Variants in PCDHGB3 observed in about 807,000 individuals in gnomAD.
PCDHGB3 encodes protocadherin gamma-B3.
A neutral mutation model predicts 59.2 loss-of-function variants in PCDHGB3; 40 were observed. The observed-to-expected ratio is 0.68, with a 90% CI of 0.52 to 0.88. The LOEUF is 0.88. Among genes scored for constraint, PCDHGB3 ranks in the 40% least tolerant of loss-of-function variants. The probability of loss-of-function intolerance (pLI) is 0.00; values close to 1 mark genes in which losing one functional copy is unlikely to be tolerated. For missense variants in PCDHGB3, 1,309 were observed against 1,187.9 expected (o/e 1.10, Z -1.50); for synonymous variants, 581 against 503.6 (o/e 1.15, Z -2.06).
At chr5:141,420,027 C>T in intron 1 of PCDHGB3, 3 of 1,614,082 alleles carry the variant, frequency 1.9e-6, no homozygotes, top group Non-Finnish European at 2.5e-6. Flanking sequence ...AGCCCTACTG[C>T]AGGAGACTGC....
At chr5:141,422,328 T>C (rs1561800810) in intron 1 of PCDHGB3, 4 of 1,548,502 alleles carry the variant, frequency 2.6e-6, no homozygotes, top group Non-Finnish European at 2.6e-6. Flanking sequence ...GTACAGTGAT[T>C]GCTCTTCTAA....
intron 2 of PCDHGB3, among the ~76,000 whole-genome samples, chr5:141,495,223 G>T (rs924599140): frequency 6.6e-6 from 1 of 152,208 alleles, no homozygotes; most frequent in South Asian, 2.1e-4. Flanking sequence ...CCTGAGTTGA[G>T]CTGGGCTCCA....
rs201412037 is a variant in PCDHGB3, at chr5:141,421,093, A to G, written c.2415+48284A>G. The G allele has an allele frequency of 3.5e-5, 23 of 665,630 alleles. No homozygotes were observed. In the East Asian group the frequency reaches 6.2e-4, roughly 18 times the overall value. 41.2% of individuals were successfully genotyped at this position (665,630 alleles called of 1,614,324 possible). On this transcript the variant is annotated intron_variant, in intron 1 of 3. Coordinates refer to ENST00000576222, the MANE Select transcript of PCDHGB3 (RefSeq NM_018924.5). ...GAGATGGATACTCACAGATCCTGAC[A>G]CTGGAGACTTAGAAGTATTTTCCTT... is the stretch of plus-strand genomic sequence containing the variant.
intron 1 of PCDHGB3, chr5:141,413,478 T>C (rs755324008): frequency 6.2e-7 from 1 of 1,614,074 alleles, no homozygotes; most frequent in East Asian, 2.2e-5. Flanking sequence ...AGCTCTGCGC[T>C]CAGAGCGCGC....
chr5:141,388,864 C>T (rs748559328), intron 1 of PCDHGB3: 15 of 1,613,736 alleles, frequency 9.3e-6, no homozygotes, highest in Middle Eastern at 1.6e-4. Flanking sequence ...GGAATGATTG[C>T]GCAATGCACA....
intron 2 of PCDHGB3, among the ~76,000 whole-genome samples, chr5:141,498,889 C>T (rs1415870992): frequency 3.4e-5 from 5 of 146,174 alleles, no homozygotes; most frequent in African/African-American, 1.3e-4. Flanking sequence ...GCTGAGATCA[C>T]ACCACTGCAC....
chr5:141,478,210 A>G, intron 1 of PCDHGB3: 1 of 1,614,064 alleles, frequency 6.2e-7, no homozygotes, highest in East Asian at 2.2e-5. Flanking sequence ...TTCTTTCTCT[A>G]ATCCTGGTTT....
rs773484841 is a variant in PCDHGB3 at position 141,432,092 on chromosome 5, A to G, written c.2415+59283A>G. 4.3e-6 allele frequency: 7 copies of G among 1,614,104 alleles called. No individual in the cohort carries two copies. The East Asian group carries it at 1.6e-4, about 36-fold the overall frequency. On this transcript the variant is annotated intron_variant, in intron 1 of 3. Transcript: ENST00000576222. The surrounding 1 kb of genome is among the most constrained non-coding windows in gnomAD (Gnocchi z 6.0). Reference sequence around the variant, plus strand: ...TCATATCTCGCTGAACGTGGCAGACACCAACGACAACCCGCCGGTCTTCCC... The same window carrying G: ...TCATATCTCGCTGAACGTGGCAGACGCCAACGACAACCCGCCGGTCTTCCC...
intron 1 of PCDHGB3, chr5:141,409,926 T>G: frequency 6.2e-7 from 1 of 1,613,344 alleles, no homozygotes; most frequent in Non-Finnish European, 8.5e-7. Flanking sequence ...TCCGCGTTCT[T>G]CGATATGGTA....
chr5:141,395,521 T>G, intron 1 of PCDHGB3: 7 of 388,350 alleles, frequency 1.8e-5, no homozygotes, highest in East Asian at 5.0e-5. Flanking sequence ...TACCCGTCCA[T>G]ACTGGTAATT....
intron 1 of PCDHGB3, chr5:141,398,604 T>A: frequency 6.2e-7 from 1 of 1,614,048 alleles, no homozygotes; most frequent in Non-Finnish European, 8.5e-7. Flanking sequence ...TAGCAGAAGA[T>A]GCAGATATTG....
chr5:141,423,082 G>T (rs1390567548), intron 1 of PCDHGB3: 3 of 1,614,078 alleles, frequency 1.9e-6, no homozygotes, highest in Non-Finnish European at 2.5e-6. Context: ...GGGACTCTTC[G>T]CGGTGGGGGA....
At chr5:141,460,909 G>A (rs1473458228) in intron 1 of PCDHGB3, among the ~76,000 whole-genome samples, 4 of 123,246 alleles carry the variant, frequency 3.2e-5, no homozygotes, top group Non-Finnish European at 6.6e-5. Context: ...AATATTCCAT[G>A]GTGTATATAT....
Position 141,477,114 on chromosome 5 carries a change from G to C in PCDHGB3, c.2416-17693G>C. ...AAAGACAAGGGCGCCAATCCCGAAG[G>C]AGCACATTGCAAAGTGTTGGTGGAG... is the stretch of plus-strand genomic sequence containing the variant. On this transcript the variant is annotated intron_variant, in intron 1 of 3. Coordinates refer to ENST00000576222, the MANE Select transcript of PCDHGB3 (RefSeq NM_018924.5). This position sits in a 1 kb window ranked among gnomAD's most constrained non-coding sequence, Gnocchi z 4.9. 4.3e-6 allele frequency: 7 copies of C among 1,614,234 alleles called. No homozygotes were observed. Among genetic ancestry groups the C allele is most frequent in the Non-Finnish European group, 5.9e-6 (7 of 1,180,046 alleles).
At chr5:141,423,210 C>T in intron 1 of PCDHGB3, 2 of 1,613,696 alleles carry the variant, frequency 1.2e-6, no homozygotes, top group Non-Finnish European at 1.7e-6. Flanking sequence ...CCGTCACGCT[C>T]ACCGTGGCTG....
chr5:141,490,042 G>A lies in PCDHGB3; in HGVS notation c.2416-4765G>A. On this transcript the variant is annotated intron_variant, in intron 1 of 3. Transcript: ENST00000576222. This position sits in a 1 kb window ranked among gnomAD's most constrained non-coding sequence, Gnocchi z 5.4. ...TCTGCTGCTCCGCCTCAATGCCACT[G>A]ATCCAGACGAGGGCACCAACGGCCA... The A allele has an allele frequency of 6.2e-7, 1 of 1,614,266 alleles. No homozygotes were observed. Among genetic ancestry groups the A allele is most frequent in the Non-Finnish European group, 8.5e-7 (1 of 1,180,038 alleles).
intron 1 of PCDHGB3, chr5:141,426,513 C>G (rs780618436): frequency 2.3e-5 from 8 of 341,028 alleles, no homozygotes; most frequent in African/African-American, 4.3e-5. Flanking sequence ...AATACTTTAC[C>G]GTGAACACGG....
intron 1 of PCDHGB3, among the ~76,000 whole-genome samples, chr5:141,437,486 G>A (rs530079212): frequency 2.6e-5 from 4 of 152,224 alleles, no homozygotes; most frequent in South Asian, 2.1e-4. Flanking sequence ...ATTTAATCTC[G>A]TAGATCACTT....
intron 1 of PCDHGB3, chr5:141,402,843 G>A (rs1370040306): frequency 5.7e-6 from 8 of 1,399,114 alleles, no homozygotes; most frequent in Non-Finnish European, 6.6e-6. Context: ...GCAAAACTCA[G>A]CCTCTTTCTT....
Sources: allele counts gnomAD v4.1 joint callset (sites outside exome capture counted in the v4.1 genomes callset), GRCh38; gene constraint gnomAD v4.1.1; non-coding constraint Gnocchi (gnomAD v3.1); transcripts MANE v1.5; gene names NCBI Gene and HGNC (gene_info 2026-07-23, HGNC 2026-07-21).